CTDSPL2: variants seen among roughly 807,000 people sequenced by gnomAD.
CTDSPL2 encodes the protein CTD small phosphatase like 2.
A neutral mutation model predicts 60.0 loss-of-function variants in CTDSPL2; 5 were observed. The observed-to-expected ratio is 0.08, with a 90% CI of 0.04 to 0.18. CTDSPL2 has a LOEUF of 0.18. Among genes scored for constraint, CTDSPL2 ranks in the 10% least tolerant of loss-of-function variants. The pLI is 1.00. For missense variants in CTDSPL2, 370 were observed against 548.8 expected, an observed-to-expected ratio of 0.67 and a Z score of 3.26; for synonymous variants, 186 against 189.3, an observed-to-expected ratio of 0.98 and a Z score of 0.14.
At chr15:44,515,273 A>AT (rs2081629983) in intron 10 of CTDSPL2, among the ~76,000 whole-genome samples, 1 of 152,134 alleles carries the variant, frequency 6.6e-6, no homozygotes, top group Non-Finnish European at 1.5e-5. Context: ...TTGAAAGCAA[A>AT]TTTATCTTCC....
Position 44,528,400 on chromosome 15 carries a change from G to A in CTDSPL2, c.*4226G>A, listed in dbSNP as rs562738661. The A allele has an allele frequency of 6.6e-6, 1 of 150,858 alleles. No individual in the cohort carries two copies. Among genetic ancestry groups the A allele is most frequent in the South Asian group, 2.1e-4 (1 of 4,788 alleles). The allele number at this position is 150,858 out of a possible 1,614,324, so 9.3% of individuals were successfully genotyped here. On this transcript the variant is annotated 3_prime_UTR_variant, in exon 13 of 13. Coordinates refer to ENST00000260327, the MANE Select transcript of CTDSPL2 (RefSeq NM_016396.3). ...TTTGTTTTTTCTTTAAAGCTCTCCT[G>A]GTGATTCTAATAGCCAGTATTGGGT...
chr15:44,464,733 G>C (rs1188015184), intron 2 of CTDSPL2, among the ~76,000 whole-genome samples: 1 of 152,040 alleles, frequency 6.6e-6, no homozygotes, highest in Admixed American at 6.6e-5. Context: ...GTGAGACAGA[G>C]TCTCTCTCTG....
intron 2 of CTDSPL2, among the ~76,000 whole-genome samples, chr15:44,466,216 C>T (rs1172008900): frequency 2.6e-5 from 4 of 152,156 alleles, no homozygotes; most frequent in African/African-American, 7.2e-5. Context: ...GGATTACAGG[C>T]GTGAGCCACC....
chr15:44,479,826 A>G (rs1030269555), intron 2 of CTDSPL2, among the ~76,000 whole-genome samples: 3 of 151,948 alleles, frequency 2.0e-5, no homozygotes, highest in Non-Finnish European at 4.4e-5. Context: ...CGTGTGTTTC[A>G]TTATAGTAGT....
intron 1 of CTDSPL2, among the ~76,000 whole-genome samples, chr15:44,433,459 TACACACACACACACAC>T (rs56657073): frequency 6.8e-6 from 1 of 147,684 alleles, no homozygotes; most frequent in African/African-American, 2.5e-5. Context: ...TACATATATA[TACACACACACACACAC>T]ACACACACAC....
chr15:44,521,229 A>C, intron 11 of CTDSPL2, 82 bp from the exon 12 acceptor site: 1 of 679,548 alleles, frequency 1.5e-6, no homozygotes, highest in South Asian at 2.0e-5. Context: ...TTACTTAATA[A>C]ATCTTTGTTT....
rs780284285 is a variant in CTDSPL2 at position 44,496,425 on chromosome 15, C to T, written c.737C>T (p.Ala246Val). ...GGTTATTCATCAGCCCACGCGGAGGCCACCTATGAAGAAGACTGGGAAGTA... is the reference window on the plus strand; with the variant it reads ...GGTTATTCATCAGCCCACGCGGAGGTCACCTATGAAGAAGACTGGGAAGTA... ...DSGYSSAHAE[A>V]TYEEDWEVFD... Residue 246 changes from alanine to valine, a missense_variant, in exon 6 of 13, where the codon GCC (alanine) becomes GTC (valine). Ala to Val is a moderately conservative substitution (Grantham distance 64). Transcript: ENST00000260327. 1.9e-6 allele frequency: 3 copies of T among 1,613,794 alleles called. No homozygotes were observed. The highest frequency in any genetic ancestry group is 1.7e-4 in the Middle Eastern group (1 of 6,060).
chr15:44,507,323 A>C (rs1043580589), intron 8 of CTDSPL2, among the ~76,000 whole-genome samples: 1 of 151,992 alleles, frequency 6.6e-6, no homozygotes, highest in Non-Finnish European at 1.5e-5. Context: ...GTCCTCAACT[A>C]TCTGCCCACC....
intron 2 of CTDSPL2, among the ~76,000 whole-genome samples, chr15:44,462,810 G>A (rs1210418488): frequency 2.0e-5 from 3 of 149,046 alleles, no homozygotes; most frequent in South Asian, 2.1e-4. Flanking sequence ...GGGTTCAAGC[G>A]ATCCTTTTCC....
intron 1 of CTDSPL2, among the ~76,000 whole-genome samples, chr15:44,450,736 C>T (rs893886744): frequency 6.6e-6 from 1 of 151,192 alleles, no homozygotes; most frequent in African/African-American, 2.4e-5. Context: ...GCTGAGATTA[C>T]AGGCGCCTGC....
chr15:44,508,424 T>A lies in CTDSPL2; in HGVS notation c.970-6174T>A, dbSNP rs532686411. 2.0e-5 allele frequency among the ~76,000 whole-genome samples: 3 copies of A among 152,278 alleles called. No homozygotes were observed. The East Asian group carries it at 5.8e-4, about 29-fold the overall frequency. ...TCTCATTCTTTATGTTCCCCAACTT[T>A]GTTTATTTTCTACTGTTTTAATTCT... On this transcript the variant is annotated intron_variant, in intron 8 of 12. Coordinates refer to ENST00000260327, the MANE Select transcript of CTDSPL2 (RefSeq NM_016396.3).
chr15:44,522,962 A>G (rs4611428), intron 12 of CTDSPL2, among the ~76,000 whole-genome samples: 142,253 of 152,132 alleles, frequency 0.94, 66,552 homozygotes, highest in East Asian at 1. Context: ...AAACTTTGGC[A>G]GGATGTAGTG....
chr15:44,472,457 A>T (rs2080830109), intron 2 of CTDSPL2, among the ~76,000 whole-genome samples: 1 of 151,210 alleles, frequency 6.6e-6, no homozygotes, highest in Non-Finnish European at 1.5e-5. Flanking sequence ...CATCTTTTTT[A>T]TGTGCTTCTT....
chr15:44,482,489 G>A (rs546687329), intron 2 of CTDSPL2, among the ~76,000 whole-genome samples: 1 of 152,266 alleles, frequency 6.6e-6, no homozygotes, highest in Admixed American at 6.5e-5. Flanking sequence ...GACATTTCAG[G>A]GGGAGGCTAG....
In CTDSPL2 at chr15:44,524,225, T is replaced by C; in HGVS notation, c.*51T>C. ...AGGGGGAGAGAATGCAGGACCCTTT[T>C]GGACTAAGACAAAAACATTGCCATT... is the stretch of plus-strand genomic sequence containing the variant. On this transcript the variant is annotated 3_prime_UTR_variant, in exon 13 of 13. Transcript: ENST00000260327. The C allele has an allele frequency of 6.8e-7, 1 of 1,471,390 alleles. No homozygotes were observed. Among genetic ancestry groups the C allele is most frequent in the Admixed American group, 1.7e-5 (1 of 59,448 alleles). The allele number at this position is 1,471,390 out of a possible 1,614,324, so 91.1% of individuals were successfully genotyped here.
At chr15:44,430,843 C>T (rs2079841797) in intron 1 of CTDSPL2, among the ~76,000 whole-genome samples, 3 of 150,778 alleles carry the variant, frequency 2.0e-5, no homozygotes, top group Admixed American at 1.3e-4. Context: ...TTTTTTGAGA[C>T]GGAGTTTCGC....
At chr15:44,431,801 C>G (rs2141251616) in intron 1 of CTDSPL2, among the ~76,000 whole-genome samples, 2 of 151,096 alleles carry the variant, frequency 1.3e-5, no homozygotes, top group East Asian at 3.9e-4. Flanking sequence ...TTACTGGAAC[C>G]TCTGCCTCCT....
chr15:44,499,658 A>C (rs750306880), intron 7 of CTDSPL2, 69 bp from the exon 8 acceptor site: 22 of 870,538 alleles, frequency 2.5e-5, no homozygotes, highest in Non-Finnish European at 3.7e-5. Context: ...TTGGTGATTA[A>C]GGATAAAAGT....
intron 1 of CTDSPL2, among the ~76,000 whole-genome samples, chr15:44,430,146 T>A (rs1485511136): frequency 6.6e-6 from 1 of 152,240 alleles, no homozygotes; most frequent in East Asian, 1.9e-4. Flanking sequence ...CATGAGATTA[T>A]TATATAACAG....
Sources: gnomAD v4.1 joint callset for allele counts (sites outside exome capture counted in the v4.1 genomes callset) on GRCh38, gnomAD v4.1.1 for gene constraint, MANE v1.5 for transcripts, NCBI Gene and HGNC (gene_info 2026-07-23, HGNC 2026-07-21) for gene names.